The following PKHD1 variants were observed in gnomAD, a reference collection of about 807,000 sequenced individuals.
The protein encoded by PKHD1 is fibrocystin.
A neutral mutation model predicts 412.0 loss-of-function variants in PKHD1; 291 were observed. The ratio of observed to expected loss-of-function variants is 0.71; its 90% CI spans 0.64 to 0.78. The LOEUF is 0.78. PKHD1 is among the 30% of genes least tolerant of loss of function. The probability of loss-of-function intolerance (pLI) is 0.00; values close to 1 mark genes in which losing one functional copy is unlikely to be tolerated. For missense variants in PKHD1, 4,825 were observed against 4,950.7 expected (o/e 0.97, Z 0.76); for synonymous variants, 1,777 against 1,821.5 (o/e 0.98, Z 0.62).
At chr6:51,996,169 C>CTTTTTT (rs11392839) in intron 35 of PKHD1, among the ~76,000 whole-genome samples, 9 of 98,948 alleles carry the variant, frequency 9.1e-5, no homozygotes, top group African/African-American at 3.0e-4. Flanking sequence ...CGACGCCTGG[C>CTTTTTT]TTTTTTTTTT....
At chr6:51,937,314 A>T (rs1399043665) in intron 36 of PKHD1, among the ~76,000 whole-genome samples, 1 of 152,180 alleles carries the variant, frequency 6.6e-6, no homozygotes, top group African/African-American at 2.4e-5. Context: ...TCCCTAAAAC[A>T]TATAAAACCA....
intron 60 of PKHD1, among the ~76,000 whole-genome samples, chr6:51,726,828 T>C (rs955123988): frequency 1.3e-5 from 2 of 152,168 alleles, no homozygotes; most frequent in African/African-American, 4.8e-5. Context: ...TGCTGAATAA[T>C]AGCCTCCCTA....
intron 35 of PKHD1, among the ~76,000 whole-genome samples, chr6:51,984,417 A>T (rs1169260562): frequency 6.6e-6 from 1 of 152,256 alleles, no homozygotes; most frequent in Non-Finnish European, 1.5e-5. Context: ...AATGAAAAAG[A>T]GGGATTGAGT....
intron 60 of PKHD1, among the ~76,000 whole-genome samples, chr6:51,678,057 G>T (rs1203562465): frequency 6.6e-6 from 1 of 152,044 alleles, no homozygotes; most frequent in Admixed American, 6.6e-5. Context: ...AAAGAATATG[G>T]TCCCAATTAT....
intron 3 of PKHD1, among the ~76,000 whole-genome samples, chr6:52,082,759 A>C (rs1812225261): frequency 6.6e-6 from 1 of 152,196 alleles, no homozygotes; most frequent in Non-Finnish European, 1.5e-5. Context: ...TAAATCCAGA[A>C]AAGAATTTTT....
At chr6:51,669,060 T>A (rs1367361999) in intron 60 of PKHD1, among the ~76,000 whole-genome samples, 1 of 152,242 alleles carries the variant, frequency 6.6e-6, no homozygotes, top group African/African-American at 2.4e-5. Flanking sequence ...GCTGGCCTCA[T>A]AAAATGAGTT....
At chr6:51,941,723 C>T (rs1409899791) in intron 36 of PKHD1, among the ~76,000 whole-genome samples, 2 of 151,652 alleles carry the variant, frequency 1.3e-5, no homozygotes, top group Non-Finnish European at 3.0e-5. Context: ...ATCCTCAATA[C>T]CTCCCTCCAC....
At chr6:51,884,126 T>C (rs778167368) in intron 45 of PKHD1, among the ~76,000 whole-genome samples, 2 of 152,212 alleles carry the variant, frequency 1.3e-5, no homozygotes, top group African/African-American at 4.8e-5. Flanking sequence ...GTTTACGTCT[T>C]TGACCAATTT....
At chr6:51,619,697 A>G (rs1032872870) in intron 66 of PKHD1, among the ~76,000 whole-genome samples, 177 bp from the exon 67 acceptor site, 3 of 152,202 alleles carry the variant, frequency 2.0e-5, no homozygotes, top group Non-Finnish European at 4.4e-5. Flanking sequence ...AAAAATTGGT[A>G]ATACTTCTTC....
At chr6:52,039,603 T>C (rs910945526) in intron 27 of PKHD1, among the ~76,000 whole-genome samples, 1 of 152,180 alleles carries the variant, frequency 6.6e-6, no homozygotes, top group Non-Finnish European at 1.5e-5. Flanking sequence ...TAGTTCTTTA[T>C]AGCAGTGTAA....
chr6:51,890,245 G>A (rs1462687871), intron 43 of PKHD1, among the ~76,000 whole-genome samples: 1 of 152,126 alleles, frequency 6.6e-6, no homozygotes, highest in Non-Finnish European at 1.5e-5. Flanking sequence ...CTCCATCCAA[G>A]TCCAAGTCTG....
At chr6:52,016,668 A>G (rs956466898) in intron 34 of PKHD1, among the ~76,000 whole-genome samples, 1 of 151,996 alleles carries the variant, frequency 6.6e-6, no homozygotes, top group East Asian at 1.9e-4. Context: ...AAGAAAAAGA[A>G]AAGAGACCTT....
chr6:51,662,187 AAAG>A (rs199529124), intron 60 of PKHD1, among the ~76,000 whole-genome samples: 4,024 of 152,080 alleles, frequency 0.026, 82 homozygotes, highest in Non-Finnish European at 0.043. Flanking sequence ...TCATATAAGC[AAAG>A]AAGAATTATC....
chr6:51,752,608 A>G (rs1042994865), intron 57 of PKHD1, among the ~76,000 whole-genome samples: 1 of 152,216 alleles, frequency 6.6e-6, no homozygotes, highest in Non-Finnish European at 1.5e-5. Flanking sequence ...CCACGATTTT[A>G]TAAGTTGGAG....
chr6:51,692,247 G>GA (rs1028201245), intron 60 of PKHD1, among the ~76,000 whole-genome samples: 1 of 121,616 alleles, frequency 8.2e-6, no homozygotes, highest in Non-Finnish European at 1.8e-5. Flanking sequence ...GAATTCTGTA[G>GA]AAAATCACAT....
intron 64 of PKHD1, among the ~76,000 whole-genome samples, chr6:51,635,193 G>C (rs1768371323): frequency 6.6e-6 from 1 of 152,116 alleles, no homozygotes; most frequent in East Asian, 1.9e-4. Context: ...GCCTCCCAGA[G>C]TGCCAGAATT....
intron 41 of PKHD1, among the ~76,000 whole-genome samples, chr6:51,904,706 T>C (rs937602627): frequency 6.6e-6 from 1 of 152,210 alleles, no homozygotes; most frequent in African/African-American, 2.4e-5. Context: ...GTCAAAATCT[T>C]ATAATTCACA....
chr6:51,883,654 T>G (rs1178178625), intron 45 of PKHD1, among the ~76,000 whole-genome samples: 1 of 152,160 alleles, frequency 6.6e-6, no homozygotes, highest in Non-Finnish European at 1.5e-5. Flanking sequence ...GACTACAGAG[T>G]CACTGTTTGT....
At chr6:51,862,978 A>G (rs181191256) in intron 48 of PKHD1, among the ~76,000 whole-genome samples, 14 of 152,322 alleles carry the variant, frequency 9.2e-5, no homozygotes, top group African/African-American at 3.1e-4. Context: ...GCAGTAACCT[A>G]TTCAATTAGT....
Sources: allele counts gnomAD v4.1 joint callset (sites outside exome capture counted in the v4.1 genomes callset), GRCh38; gene constraint gnomAD v4.1.1; transcripts MANE v1.5; gene names NCBI Gene and HGNC (gene_info 2026-07-23, HGNC 2026-07-21).